The following CHD9 variants were observed in gnomAD, a reference collection of about 807,000 sequenced individuals.
CHD9 encodes the protein chromodomain helicase DNA binding protein 9.
A neutral mutation model predicts 316.1 loss-of-function variants in CHD9; 77 were observed. The observed-to-expected ratio is 0.24, with a 90% CI of 0.20 to 0.29. The LOEUF is 0.29. Among genes scored for constraint, CHD9 ranks in the 10% least tolerant of loss-of-function variants. The pLI is 1.00. For missense variants in CHD9, 2,763 were observed against 3,438.1 expected (o/e 0.80, Z 4.91); for synonymous variants, 1,129 against 1,158.3 (o/e 0.97, Z 0.51).
At chr16:53,254,825 A>G (rs1193532767) in intron 18 of CHD9, among the ~76,000 whole-genome samples, 5 of 152,188 alleles carry the variant, frequency 3.3e-5, no homozygotes, top group African/African-American at 1.2e-4. Flanking sequence ...TATTTTCAAG[A>G]TAGAAATTCT....
chr16:53,262,546 T>C (rs2152991776), intron 19 of CHD9, among the ~76,000 whole-genome samples: 1 of 152,332 alleles, frequency 6.6e-6, no homozygotes, highest in Middle Eastern at 3.4e-3. Context: ...TCCTGTGTTA[T>C]ATTTCCTTTA....
chr16:53,104,956 C>T (rs1216552187), intron 1 of CHD9, among the ~76,000 whole-genome samples: 1 of 151,850 alleles, frequency 6.6e-6, no homozygotes, highest in African/African-American at 2.4e-5. Context: ...GCCTCAGCCT[C>T]TCAAGTAGCT....
At chr16:53,277,153 T>C (rs1182417544) in intron 24 of CHD9, among the ~76,000 whole-genome samples, 1 of 152,118 alleles carries the variant, frequency 6.6e-6, no homozygotes. Context: ...ACCAGATGGA[T>C]TAACAGCTGA....
intron 1 of CHD9, among the ~76,000 whole-genome samples, chr16:53,114,345 C>T (rs1330298856): frequency 6.6e-6 from 1 of 151,912 alleles, no homozygotes; most frequent in Non-Finnish European, 1.5e-5. Flanking sequence ...GCAACCTCTG[C>T]CTCCCAGGTT....
At chr16:53,154,012 A>G (rs932997598) in intron 1 of CHD9, among the ~76,000 whole-genome samples, 8 of 152,236 alleles carry the variant, frequency 5.3e-5, no homozygotes, top group South Asian at 2.1e-4. Flanking sequence ...TGGAAAGAGT[A>G]TAAGTCCTTA....
intron 27 of CHD9, among the ~76,000 whole-genome samples, chr16:53,290,203 G>A (rs1567629271): frequency 6.6e-6 from 1 of 152,202 alleles, no homozygotes; most frequent in African/African-American, 2.4e-5. Context: ...GAAGCCAGGA[G>A]GCGGAGGTTG....
intron 3 of CHD9, among the ~76,000 whole-genome samples, chr16:53,213,315 T>C (rs1462993774): frequency 2.0e-5 from 3 of 152,174 alleles, no homozygotes; most frequent in Non-Finnish European, 2.9e-5. Context: ...GAGGTAGGCC[T>C]GGAAAACTTT....
chr16:53,174,238 C>T (rs528949994), intron 2 of CHD9, among the ~76,000 whole-genome samples: 2 of 152,126 alleles, frequency 1.3e-5, no homozygotes, highest in African/African-American at 4.8e-5. Flanking sequence ...GAACCAAGAT[C>T]GTGCCACTAC....
At chr16:53,229,470 AT>A (rs2047979067) in intron 8 of CHD9, among the ~76,000 whole-genome samples, 1 of 152,176 alleles carries the variant, frequency 6.6e-6, no homozygotes, top group Non-Finnish European at 1.5e-5. Context: ...TATATTGCAT[AT>A]TTTCTATACT....
At chr16:53,282,774 C>G (rs1285760449) in intron 24 of CHD9, among the ~76,000 whole-genome samples, 2 of 152,164 alleles carry the variant, frequency 1.3e-5, no homozygotes, top group Non-Finnish European at 2.9e-5. Context: ...CCTTACTTTA[C>G]CTTTGTTGAC....
At chr16:53,089,387 T>C (rs953172971) in intron 1 of CHD9, among the ~76,000 whole-genome samples, 5 of 152,378 alleles carry the variant, frequency 3.3e-5, no homozygotes, top group African/African-American at 7.2e-5. Context: ...AGGCACATTA[T>C]TGAAGATCAT....
At chr16:53,171,179 G>T (rs955427233) in intron 2 of CHD9, among the ~76,000 whole-genome samples, 1 of 152,170 alleles carries the variant, frequency 6.6e-6, no homozygotes, top group African/African-American at 2.4e-5. Flanking sequence ...GGAGGCCAAG[G>T]TGGGTGGATC....
At chr16:53,214,081 A>C (rs1198157227) in intron 3 of CHD9, among the ~76,000 whole-genome samples, 2 of 152,200 alleles carry the variant, frequency 1.3e-5, no homozygotes, top group Non-Finnish European at 2.9e-5. Context: ...TTAGATCTCA[A>C]AATGATATTG....
chr16:53,227,239 T>A, intron 5 of CHD9, 157 bp from the exon 6 acceptor site: 1 of 535,286 alleles, frequency 1.9e-6, no homozygotes, highest in Non-Finnish European at 3.3e-6. Flanking sequence ...AATGATATAT[T>A]TTTTTCATTT....
intron 2 of CHD9, among the ~76,000 whole-genome samples, chr16:53,195,750 GA>G (rs1374055071): frequency 6.7e-6 from 1 of 148,818 alleles, no homozygotes; most frequent in Admixed American, 6.7e-5. Context: ...AAAACAGAGA[GA>G]TTCAATGTAT....
chr16:53,140,659 C>T (rs1024477467), intron 1 of CHD9, among the ~76,000 whole-genome samples: 3 of 152,290 alleles, frequency 2.0e-5, no homozygotes, highest in African/African-American at 7.2e-5. Context: ...TCGATCGTAG[C>T]TCACTGCATC....
intron 1 of CHD9, among the ~76,000 whole-genome samples, chr16:53,151,621 C>A (rs748314036): frequency 6.6e-6 from 1 of 152,170 alleles, no homozygotes; most frequent in Admixed American, 6.6e-5. Context: ...CTTCTATCTT[C>A]AAGTCTTCAA....
intron 3 of CHD9, among the ~76,000 whole-genome samples, chr16:53,220,083 A>G (rs2047109196): frequency 6.6e-6 from 1 of 152,190 alleles, no homozygotes. Context: ...CTAGAGGAGG[A>G]AAAGGGACTA....
Position 53,131,344 on chromosome 16 carries a change from G to C in CHD9, c.-164-24582G>C, listed in dbSNP as rs1169336253. ...CCGCCGCCGCCGCCGCTGCTCGGCCGGTGGGGGGAGGGGGGAGGGGCAGGC... is the reference window on the plus strand; with the variant it reads ...CCGCCGCCGCCGCCGCTGCTCGGCCCGTGGGGGGAGGGGGGAGGGGCAGGC... On this transcript the variant is annotated intron_variant, in intron 1 of 38. Coordinates refer to ENST00000447540, the MANE Select transcript of CHD9 (RefSeq NM_001308319.2). 6.3e-5 allele frequency: 10 copies of C among 158,596 alleles called. No homozygotes were observed. The East Asian group carries it at 9.1e-4, about 14-fold the overall frequency. 9.8% of individuals were successfully genotyped at this position (158,596 alleles called of 1,614,324 possible).
Sources: gnomAD v4.1 joint callset for allele counts (sites outside exome capture counted in the v4.1 genomes callset) on GRCh38, gnomAD v4.1.1 for gene constraint, MANE v1.5 for transcripts, NCBI Gene and HGNC (gene_info 2026-07-23, HGNC 2026-07-21) for gene names.